The following GRID2 variants were observed in gnomAD, a reference collection of about 807,000 sequenced individuals.
GRID2 encodes the protein glutamate receptor ionotropic, delta-2.
Under a neutral mutation model 114.8 loss-of-function variants are expected in GRID2, and 33 were observed. The ratio of observed to expected loss-of-function variants is 0.29; its 90% CI spans 0.22 to 0.38. The LOEUF (loss-of-function observed/expected upper bound fraction) is 0.38. Among genes scored for constraint, GRID2 ranks in the 10% least tolerant of loss-of-function variants. The pLI, the probability that GRID2 is intolerant of heterozygous loss-of-function variation, is 1.00. For synonymous variants in GRID2, 505 were observed against 449.9 expected (o/e 1.12, Z -1.55); for missense variants, 1,184 against 1,257.7 (o/e 0.94, Z 0.89).
intron 2 of GRID2, among the ~76,000 whole-genome samples, chr4:92,850,780 A>G (rs745642207): frequency 6.6e-6 from 1 of 151,922 alleles, no homozygotes; most frequent in Non-Finnish European, 1.5e-5. Context: ...GAGACCCACA[A>G]TGACCCAAGA....
At chr4:92,831,716 G>A (rs889724609) in intron 2 of GRID2, among the ~76,000 whole-genome samples, 1 of 151,902 alleles carries the variant, frequency 6.6e-6, no homozygotes, top group Non-Finnish European at 1.5e-5. Context: ...AGTTAGCTGG[G>A]GGTGGTGGTA....
At chr4:93,267,608 C>A (rs1750995958) in intron 8 of GRID2, among the ~76,000 whole-genome samples, 1 of 152,206 alleles carries the variant, frequency 6.6e-6, no homozygotes, top group South Asian at 2.1e-4. Context: ...GACCACGTAA[C>A]TGCCCAAGGT....
intron 1 of GRID2, among the ~76,000 whole-genome samples, chr4:92,485,890 T>A (rs1722863251): frequency 6.6e-6 from 1 of 152,032 alleles, no homozygotes; most frequent in African/African-American, 2.4e-5. Flanking sequence ...TTCTAAAAAT[T>A]TTCTGGGCCT....
intron 14 of GRID2, among the ~76,000 whole-genome samples, chr4:93,759,175 A>G (rs554636157): frequency 7.2e-5 from 11 of 152,310 alleles, no homozygotes; most frequent in African/African-American, 2.6e-4. Context: ...AAAGTTCACT[A>G]GTCACCAAAG....
At chr4:93,108,834 T>G (rs1732501503) in intron 3 of GRID2, among the ~76,000 whole-genome samples, 1 of 152,096 alleles carries the variant, frequency 6.6e-6, no homozygotes, top group Non-Finnish European at 1.5e-5. Context: ...TTTCACCATA[T>G]TGGCCAGGCT....
At chr4:93,786,494 C>A (rs1324489100) in intron 1 of GRID2, among the ~76,000 whole-genome samples, 1 of 152,144 alleles carries the variant, frequency 6.6e-6, no homozygotes, top group Non-Finnish European at 1.5e-5. Context: ...GGAATGAGAT[C>A]CAGGGTACAA....
intron 4 of GRID2, among the ~76,000 whole-genome samples, chr4:93,121,231 A>G (rs1413226892): frequency 6.6e-6 from 1 of 152,200 alleles, no homozygotes; most frequent in Non-Finnish European, 1.5e-5. Flanking sequence ...AATATAGTGC[A>G]TATAAGTTTA....
chr4:93,379,437 CACTTG>C, intron 8 of GRID2, among the ~76,000 whole-genome samples: 1 of 152,168 alleles, frequency 6.6e-6, no homozygotes, highest in South Asian at 2.1e-4. Context: ...CCATTCTCTA[CACTTG>C]ACTTTAGAAA....
chr4:92,916,972 C>A (rs1022368094), intron 2 of GRID2, among the ~76,000 whole-genome samples: 1 of 152,124 alleles, frequency 6.6e-6, no homozygotes, highest in African/African-American at 2.4e-5. Context: ...AGTTAACAGT[C>A]CCACCAACAG....
At chr4:92,900,295 G>T (rs1385913848) in intron 2 of GRID2, among the ~76,000 whole-genome samples, 2 of 152,074 alleles carry the variant, frequency 1.3e-5, no homozygotes. Flanking sequence ...TAGGGGGTAC[G>T]AGTGCAGTTT....
chr4:92,550,378 C>T (rs979259598), intron 1 of GRID2, among the ~76,000 whole-genome samples: 1 of 151,860 alleles, frequency 6.6e-6, no homozygotes, highest in Non-Finnish European at 1.5e-5. Flanking sequence ...TGTTAAGAAC[C>T]ATCAACTTAT....
intron 2 of GRID2, among the ~76,000 whole-genome samples, chr4:93,052,345 TTAA>T (rs1332718713): frequency 1.3e-5 from 2 of 151,908 alleles, no homozygotes; most frequent in Non-Finnish European, 2.9e-5. Context: ...CATGTATCAC[TTAA>T]TGATGGGATA....
chr4:92,789,049 T>C (rs918488038), intron 2 of GRID2, among the ~76,000 whole-genome samples: 9 of 151,924 alleles, frequency 5.9e-5, no homozygotes, highest in Non-Finnish European at 1.3e-4. Flanking sequence ...ACTTAAAAGA[T>C]AATTTTGTCA....
intron 1 of GRID2, among the ~76,000 whole-genome samples, chr4:92,507,418 T>TGTGC (rs1332653449): frequency 1.1e-5 from 1 of 91,654 alleles, no homozygotes; most frequent in Non-Finnish European, 2.3e-5. Flanking sequence ...TGTATAATTG[T>TGTGC]GTGTGTGTGT....
At chr4:93,535,937 A>G (rs1008060654) in intron 13 of GRID2, among the ~76,000 whole-genome samples, 6 of 151,928 alleles carry the variant, frequency 3.9e-5, no homozygotes, top group Non-Finnish European at 8.8e-5. Flanking sequence ...TTTGTTGCCT[A>G]TACTTTTGGT....
chr4:92,650,746 A>C (rs1036625587), intron 2 of GRID2, among the ~76,000 whole-genome samples: 52 of 152,014 alleles, frequency 3.4e-4, no homozygotes, highest in African/African-American at 1.2e-3. Flanking sequence ...ATAGTGAGTC[A>C]CTAGAGGTAA....
intron 13 of GRID2, among the ~76,000 whole-genome samples, chr4:93,587,963 T>A (rs903000937): frequency 4.6e-5 from 7 of 152,110 alleles, no homozygotes; most frequent in African/African-American, 1.7e-4. Context: ...CCAGGGATGA[T>A]CCAAGAATCC....
chr4:93,120,613 G>A (rs1043518882), intron 4 of GRID2, among the ~76,000 whole-genome samples: 4 of 152,172 alleles, frequency 2.6e-5, no homozygotes, highest in African/African-American at 9.7e-5. Context: ...GGAGCAAGGG[G>A]AGGGAGAGCA....
intron 14 of GRID2, among the ~76,000 whole-genome samples, chr4:93,747,938 A>C (rs2110273877): frequency 6.6e-6 from 1 of 152,254 alleles, no homozygotes; most frequent in Middle Eastern, 3.4e-3. Context: ...CTATTTTTCA[A>C]CTTGCAGAGG....
Sources: allele counts gnomAD v4.1 joint callset (sites outside exome capture counted in the v4.1 genomes callset), GRCh38; gene constraint gnomAD v4.1.1; transcripts MANE v1.5; gene names NCBI Gene and HGNC (gene_info 2026-07-23, HGNC 2026-07-21).